CDYL: variants seen among roughly 807,000 people sequenced by gnomAD.
CDYL encodes the protein chromodomain Y-like protein.
CDYL carries 8 observed loss-of-function variants against 47.3 expected under a neutral mutation model. The ratio of observed to expected loss-of-function variants is 0.17; its 90% CI spans 0.10 to 0.31. The LOEUF (loss-of-function observed/expected upper bound fraction) is 0.31. Ranked by LOEUF, CDYL falls within the 10% of genes least tolerant of loss-of-function variation. The probability of loss-of-function intolerance (pLI) is 1.00; values close to 1 mark genes in which losing one functional copy is unlikely to be tolerated. For synonymous variants in CDYL, 266 were observed against 265.0 expected (o/e 1.00, Z -0.04); for missense variants, 471 against 701.4 (o/e 0.67, Z 3.71).
intron 2 of CDYL, among the ~76,000 whole-genome samples, chr6:4,900,576 G>C (rs1756998112): frequency 6.6e-6 from 1 of 151,636 alleles, no homozygotes; most frequent in South Asian, 2.1e-4. Flanking sequence ...AATTTTAATA[G>C]ATGTTGCCAA....
chr6:4,932,477 T>C (rs765490128), intron 2 of CDYL, among the ~76,000 whole-genome samples: 34 of 152,120 alleles, frequency 2.2e-4, no homozygotes, highest in African/African-American at 7.7e-4. Flanking sequence ...GGTGAGGATT[T>C]CCCCACGGGA....
At chr6:4,747,970 C>G (rs1757926131) in intron 3 of CDYL, among the ~76,000 whole-genome samples, 1 of 152,140 alleles carries the variant, frequency 6.6e-6, no homozygotes, top group Admixed American at 6.5e-5. Flanking sequence ...ACTGCCTGTC[C>G]CTGTGCCTTA....
intron 1 of CDYL, among the ~76,000 whole-genome samples, chr6:4,846,001 A>G (rs1454172175): frequency 2.0e-5 from 3 of 152,158 alleles, no homozygotes; most frequent in African/African-American, 7.2e-5. Context: ...TTTAACTGCT[A>G]TTATGTATGT....
chr6:4,906,045 C>T (rs115693027), intron 2 of CDYL, among the ~76,000 whole-genome samples: 101 of 152,212 alleles, frequency 6.6e-4, no homozygotes, highest in African/African-American at 2.3e-3. Context: ...GGTAAGATGA[C>T]GTGGTCTCTA....
chr6:4,779,610 G>C (rs1758556706), intron 1 of CDYL, among the ~76,000 whole-genome samples: 1 of 152,174 alleles, frequency 6.6e-6, no homozygotes, highest in African/African-American at 2.4e-5. Context: ...AATTTGAAGA[G>C]TTACTATTAG....
chr6:4,813,936 ATTTTTT>A (rs10545664), intron 1 of CDYL, among the ~76,000 whole-genome samples: 1 of 122,846 alleles, frequency 8.1e-6, no homozygotes, highest in African/African-American at 2.8e-5. Context: ...TGCCTGGCTA[ATTTTTT>A]TTTTTTTTTT....
intron 2 of CDYL, among the ~76,000 whole-genome samples, chr6:4,899,605 GTTTTCC>G (rs1457627524): frequency 6.6e-6 from 1 of 152,190 alleles, no homozygotes; most frequent in East Asian, 1.9e-4. Flanking sequence ...GTAATGAATT[GTTTTCC>G]TTTTCCTGGT....
intron 3 of CDYL, among the ~76,000 whole-genome samples, chr6:4,763,904 C>T (rs1219792729): frequency 6.6e-6 from 1 of 152,148 alleles, no homozygotes; most frequent in Admixed American, 6.5e-5. Flanking sequence ...GATCATGCCA[C>T]TGCACTCTAG....
Position 4,706,748 on chromosome 6 carries a change from C to T in CDYL, c.-39+497C>T, listed in dbSNP as rs573178253. Among the ~76,000 whole-genome samples the T allele has an allele frequency of 5.3e-5, 8 of 152,254 alleles. No individual in the cohort carries two copies. The South Asian group carries it at 1.7e-3, about 32-fold the overall frequency. ...AGCCTGCAGTGAGTCGAGATGGCACCACTGCACTCCAGCCTGGGTGACAGT... is the reference window on the plus strand; with the variant it reads ...AGCCTGCAGTGAGTCGAGATGGCACTACTGCACTCCAGCCTGGGTGACAGT... On this transcript the variant is annotated intron_variant, in intron 1 of 8. Transcript: ENST00000328908.
In CDYL at chr6:4,954,861, G is replaced by GA. The variant is rs1421535320; in HGVS notation, c.*810dup. 1 of 152,130 alleles carries GA rather than the reference G, an allele frequency of 6.6e-6. No homozygotes were observed. Among genetic ancestry groups the GA allele is most frequent in the Non-Finnish European group, 1.5e-5 (1 of 68,012 alleles). The allele number at this position is 152,130 out of a possible 1,614,324, so 9.4% of individuals were successfully genotyped here. On this transcript the variant is annotated 3_prime_UTR_variant, in exon 7 of 7. Coordinates refer to ENST00000397588, the MANE Select transcript of CDYL (RefSeq NM_004824.4). ...TTTAAATAGTTTTTCTGACCCTTCT[G>GA]AAAAATAACTACATAAGTGCTTCTT... is the stretch of plus-strand genomic sequence containing the variant.
chr6:4,788,473 ACT>A (rs1371023602), intron 1 of CDYL, among the ~76,000 whole-genome samples: 1 of 89,048 alleles, frequency 1.1e-5, no homozygotes, highest in Non-Finnish European at 2.1e-5. Flanking sequence ...ACAGAGTGAG[ACT>A]CTGTCAAAAA....
intron 1 of CDYL, among the ~76,000 whole-genome samples, chr6:4,831,047 A>G (rs1760127882): frequency 6.6e-6 from 1 of 152,102 alleles, no homozygotes; most frequent in Non-Finnish European, 1.5e-5. Context: ...TATTGTGAAT[A>G]GTGCCGCAAT....
intron 3 of CDYL, among the ~76,000 whole-genome samples, chr6:4,751,069 A>T (rs1256625034): frequency 6.6e-6 from 1 of 151,690 alleles, no homozygotes; most frequent in Non-Finnish European, 1.5e-5. Context: ...GTTAGCCAGG[A>T]TGGTCTCGAT....
chr6:4,884,592 G>A (rs1160900050), intron 1 of CDYL, among the ~76,000 whole-genome samples: 1 of 152,178 alleles, frequency 6.6e-6, no homozygotes, highest in Non-Finnish European at 1.5e-5. Context: ...CATTTGTGGT[G>A]GACTGTCTTT....
chr6:4,748,922 A>G (rs1463535632), intron 3 of CDYL, among the ~76,000 whole-genome samples: 1 of 152,156 alleles, frequency 6.6e-6, no homozygotes, highest in Non-Finnish European at 1.5e-5. Flanking sequence ...TACCTCCTAT[A>G]ATAGAACAGT....
At chr6:4,751,624 C>G (rs1430466327) in intron 3 of CDYL, among the ~76,000 whole-genome samples, 1 of 152,194 alleles carries the variant, frequency 6.6e-6, no homozygotes, top group African/African-American at 2.4e-5. Context: ...ACCCTAGATT[C>G]CCATAATACA....
chr6:4,737,245 T>G (rs1757719147), intron 3 of CDYL, among the ~76,000 whole-genome samples: 1 of 152,076 alleles, frequency 6.6e-6, no homozygotes, highest in Admixed American at 6.6e-5. Flanking sequence ...TTTCTAAGTA[T>G]AAAAGTAATA....
At chr6:4,835,286 A>G (rs1325692700) in intron 1 of CDYL, among the ~76,000 whole-genome samples, 1 of 152,134 alleles carries the variant, frequency 6.6e-6, no homozygotes, top group African/African-American at 2.4e-5. Context: ...TTTTCTTTCT[A>G]ACAGACAGGA....
chr6:4,707,710 G>C (rs1298402021), intron 1 of CDYL, among the ~76,000 whole-genome samples: 1 of 152,142 alleles, frequency 6.6e-6, no homozygotes, highest in Admixed American at 6.5e-5. Context: ...TAAAAGTTAA[G>C]CTGATCCTCA....
Sources: gnomAD v4.1 joint callset for allele counts (sites outside exome capture counted in the v4.1 genomes callset) on GRCh38, gnomAD v4.1.1 for gene constraint, MANE v1.5 for transcripts, NCBI Gene and HGNC (gene_info 2026-07-23, HGNC 2026-07-21) for gene names.